The following SCAPER variants were observed in gnomAD, a reference collection of about 807,000 sequenced individuals.
The protein encoded by SCAPER is S-phase cyclin A associated protein in the ER.
A neutral mutation model predicts 182.2 loss-of-function variants in SCAPER; 98 were observed. That is an observed-to-expected ratio of 0.54 (90% CI 0.46 to 0.64). The LOEUF is 0.64. SCAPER is among the 30% of genes least tolerant of loss of function. The pLI is 0.00. For missense variants in SCAPER, 1,432 were observed against 1,690.0 expected (o/e 0.85, Z 2.68); for synonymous variants, 605 against 564.6 (o/e 1.07, Z -1.01).
chr15:76,559,708 G>A (rs2046462449), intron 23 of SCAPER, among the ~76,000 whole-genome samples: 1 of 152,132 alleles, frequency 6.6e-6, no homozygotes, highest in Non-Finnish European at 1.5e-5. Context: ...TGAACACAAA[G>A]AAGAGAGCAA....
chr15:76,889,158 A>T (rs1456468787), intron 1 of SCAPER, among the ~76,000 whole-genome samples: 1 of 152,254 alleles, frequency 6.6e-6, no homozygotes, highest in African/African-American at 2.4e-5. Context: ...GGCCTGCCTT[A>T]TAAGAGCTCC....
At chr15:76,424,231 C>T (rs1291160186) in intron 26 of SCAPER, among the ~76,000 whole-genome samples, 1 of 152,084 alleles carries the variant, frequency 6.6e-6, no homozygotes, top group Non-Finnish European at 1.5e-5. Context: ...TAAAGTCTCC[C>T]ATTATTATTG....
chr15:76,704,313 G>A (rs2059126787), intron 18 of SCAPER, among the ~76,000 whole-genome samples: 1 of 152,118 alleles, frequency 6.6e-6, no homozygotes, highest in Non-Finnish European at 1.5e-5. Context: ...CTGTGCAGAA[G>A]CTCTTTAGTT....
intron 1 of SCAPER, among the ~76,000 whole-genome samples, chr15:76,900,342 T>TA (rs56677318): frequency 0.16 from 9,303 of 58,956 alleles, 426 homozygotes; most frequent in Middle Eastern, 0.2. Flanking sequence ...CAATAAATAC[T>TA]AAAAAAAAAA....
chr15:76,601,931 T>A (rs2049959213), intron 22 of SCAPER, among the ~76,000 whole-genome samples: 1 of 120,904 alleles, frequency 8.3e-6, no homozygotes, highest in African/African-American at 2.5e-5. Context: ...AGTCCTGCAG[T>A]CGGCCCCTTG....
At chr15:76,588,247 A>C (rs1363209668) in intron 22 of SCAPER, among the ~76,000 whole-genome samples, 1 of 152,094 alleles carries the variant, frequency 6.6e-6, no homozygotes, top group Admixed American at 6.5e-5. Flanking sequence ...CTTAGGTAGC[A>C]GTAGTTGTTT....
At chr15:76,508,147 T>C (rs898973322) in intron 23 of SCAPER, among the ~76,000 whole-genome samples, 6 of 152,200 alleles carry the variant, frequency 3.9e-5, no homozygotes, top group Non-Finnish European at 5.9e-5. Flanking sequence ...CATTTTGCCT[T>C]CTTTTCATAT....
chr15:76,725,823 G>A (rs926314801), intron 17 of SCAPER, among the ~76,000 whole-genome samples: 20 of 151,500 alleles, frequency 1.3e-4, no homozygotes, highest in African/African-American at 4.1e-4. Flanking sequence ...TACCTTATAC[G>A]ATATACAAAA....
chr15:76,687,568 T>C (rs899620621), intron 20 of SCAPER, among the ~76,000 whole-genome samples: 3 of 152,132 alleles, frequency 2.0e-5, no homozygotes, highest in Non-Finnish European at 2.9e-5. Context: ...ATTAGGTATT[T>C]CTCCTAATAC....
chr15:76,658,606 C>T (rs1347693251), intron 21 of SCAPER, among the ~76,000 whole-genome samples: 1 of 152,116 alleles, frequency 6.6e-6, no homozygotes, highest in Non-Finnish European at 1.5e-5. Context: ...GTAGCCAGAG[C>T]AATCCTACGT....
At chr15:76,353,277 G>C (rs2040718278) in intron 30 of SCAPER, among the ~76,000 whole-genome samples, 1 of 152,190 alleles carries the variant, frequency 6.6e-6, no homozygotes, top group Non-Finnish European at 1.5e-5. Flanking sequence ...ACATGTGAAA[G>C]AAATGGGAGA....
At chr15:76,439,367 T>C (rs1226098835) in intron 25 of SCAPER, among the ~76,000 whole-genome samples, 1 of 152,268 alleles carries the variant, frequency 6.6e-6, no homozygotes, top group Non-Finnish European at 1.5e-5. Flanking sequence ...AAAATGAGAT[T>C]TGACAAAAAG....
At position 76,701,783 on chromosome 15, in the gene SCAPER, C is replaced by T; in HGVS notation, c.2483G>A (p.Gly828Glu). 1 of 1,613,708 alleles carries T rather than the reference C, an allele frequency of 6.2e-7. No individual in the cohort carries two copies. The change falls in exon 20 of 32, where the codon GGG becomes GAG. Residue 828 changes from glycine (G) to glutamate (E), a missense_variant. Gly to Glu is a moderately conservative substitution (Grantham distance 98). Transcript: ENST00000563290. ...CACTTCTTCATCTGACAGTTCACGCCCCTGGATGCTGGTATTCTCTCTCAC... is the reference window on the plus strand; with the variant it reads ...CACTTCTTCATCTGACAGTTCACGCTCCTGGATGCTGGTATTCTCTCTCAC... ...QAVRENTSIQ[G>E]RELSDEEVEH...
At position 76,504,896 on chromosome 15, in the gene SCAPER, C is replaced by G; in HGVS notation, c.2917G>C (p.Ala973Pro). 6.2e-7 allele frequency: 1 copy of G among 1,612,166 alleles called. No individual in the cohort carries two copies. Among genetic ancestry groups the G allele is most frequent in the East Asian group, 2.2e-5 (1 of 44,790 alleles). ...CTTAAAACTGTGTTCACATTTGTGG[C>G]TGGGACTACTGCTTGAAGGATGTGT... is the stretch of plus-strand genomic sequence containing the variant. ...LEHILQAVVP[A>P]TNVNTVLRIP... Residue 973 changes from alanine to proline, a missense_variant, in exon 24 of 32, where the codon GCC becomes CCC. By Grantham distance (27) the Ala-to-Pro change is conservative. Transcript: ENST00000563290.
chr15:76,848,692 CATT>C, intron 4 of SCAPER, among the ~76,000 whole-genome samples: 1 of 152,264 alleles, frequency 6.6e-6, no homozygotes, highest in South Asian at 2.1e-4. Context: ...TCTAAAGGAA[CATT>C]AAATAACACA....
At chr15:76,475,275 A>G (rs917833701) in intron 24 of SCAPER, among the ~76,000 whole-genome samples, 28 of 152,104 alleles carry the variant, frequency 1.8e-4, no homozygotes, top group African/African-American at 6.3e-4. Flanking sequence ...CTTAATTAAT[A>G]TATAATAATG....
chr15:76,627,618 T>G (rs12148877), intron 21 of SCAPER, among the ~76,000 whole-genome samples: 58,069 of 152,008 alleles, frequency 0.38, 13,083 homozygotes, highest in Middle Eastern at 0.52. Context: ...ACAAAGAACA[T>G]GATCTCATTC....
At chr15:76,505,119 T>A in intron 23 of SCAPER, 145 bp from the exon 24 acceptor site, 1 of 661,792 alleles carries the variant, frequency 1.5e-6, no homozygotes, top group South Asian at 1.9e-5. Context: ...TACTCACTGC[T>A]AATTGTTTCA....
chr15:76,519,896 A>T (rs2042709467), intron 23 of SCAPER, among the ~76,000 whole-genome samples: 1 of 152,102 alleles, frequency 6.6e-6, no homozygotes, highest in Non-Finnish European at 1.5e-5. Flanking sequence ...TTCACATTTC[A>T]TTTCTATTTC....
Sources: gnomAD v4.1 joint callset for allele counts (sites outside exome capture counted in the v4.1 genomes callset) on GRCh38, gnomAD v4.1.1 for gene constraint, MANE v1.5 for transcripts, NCBI Gene and HGNC (gene_info 2026-07-23, HGNC 2026-07-21) for gene names.